Variants in ACACA observed in about 807,000 individuals in gnomAD.
The protein encoded by ACACA is acetyl-CoA carboxylase alpha.
ACACA carries 103 observed loss-of-function variants against 296.1 expected under a neutral mutation model. That is an observed-to-expected ratio of 0.35 (90% confidence interval 0.30 to 0.41). ACACA has a LOEUF of 0.41. Ranked by LOEUF, ACACA falls within the 10% of genes least tolerant of loss-of-function variation. ACACA has a pLI of 1.00. For missense variants in ACACA, 1,554 were observed against 2,989.7 expected (o/e 0.52, Z 11.20); for synonymous variants, 953 against 1,038.6 (o/e 0.92, Z 1.58).
intron 45 of ACACA, among the ~76,000 whole-genome samples, chr17:37,137,954 T>C (rs919311336): frequency 1.3e-5 from 2 of 152,222 alleles, no homozygotes; most frequent in African/African-American, 4.8e-5. Flanking sequence ...TCTTATGCTG[T>C]TGGTTAAATT....
At chr17:37,191,308 A>G (rs1341848271) in intron 37 of ACACA, 33 bp from the exon 38 acceptor site, 1 of 1,597,228 alleles carries the variant, frequency 6.3e-7, no homozygotes, top group Non-Finnish European at 8.6e-7. Flanking sequence ...ACATTAATGT[A>G]GTTTAAAAGA....
chr17:37,271,222 A>T (rs2082052076), intron 9 of ACACA, among the ~76,000 whole-genome samples: 1 of 152,246 alleles, frequency 6.6e-6, no homozygotes, highest in East Asian at 1.9e-4. Flanking sequence ...GCAATGATTT[A>T]GAAAAGAATG....
At chr17:37,138,691 T>C (rs1567709674) in intron 45 of ACACA, among the ~76,000 whole-genome samples, 1 of 152,252 alleles carries the variant, frequency 6.6e-6, no homozygotes, top group African/African-American at 2.4e-5. Flanking sequence ...GCTCATTTTT[T>C]CACACTCCAT....
At chr17:37,276,553 CTG>C (rs1159282034) in intron 7 of ACACA, among the ~76,000 whole-genome samples, 1 of 152,208 alleles carries the variant, frequency 6.6e-6, no homozygotes, top group Admixed American at 6.5e-5. Flanking sequence ...TATATAACCT[CTG>C]TTTTTCTCTC....
intron 41 of ACACA, among the ~76,000 whole-genome samples, chr17:37,165,502 T>C (rs1215732189): frequency 2.0e-5 from 3 of 152,286 alleles, no homozygotes; most frequent in Non-Finnish European, 4.4e-5. Context: ...AGAAATCTAC[T>C]ATATTAACTT....
chr17:37,188,515 A>G (rs370417849), intron 38 of ACACA, 35 bp from the exon 39 acceptor site: 3 of 1,606,320 alleles, frequency 1.9e-6, no homozygotes, highest in Non-Finnish European at 2.6e-6. Context: ...CAAAACTTAA[A>G]TATCTTCTAA....
At chr17:37,359,003 G>A (rs1053120751) in intron 1 of ACACA, 35 of 985,496 alleles carry the variant, frequency 3.6e-5, no homozygotes, top group Non-Finnish European at 4.1e-5. Context: ...CCTCACCTCA[G>A]GGTGGCAACG....
chr17:37,364,974 T>G (rs974269413), intron 1 of ACACA, among the ~76,000 whole-genome samples: 1 of 152,106 alleles, frequency 6.6e-6, no homozygotes, highest in African/African-American at 2.4e-5. Flanking sequence ...TACCACACAG[T>G]TCAGAATTTT....
intron 25 of ACACA, among the ~76,000 whole-genome samples, chr17:37,233,813 A>T (rs2079978513): frequency 6.6e-6 from 1 of 152,216 alleles, no homozygotes; most frequent in Non-Finnish European, 1.5e-5. Flanking sequence ...GAAGTATTAC[A>T]TTGTACTAAC....
intron 1 of ACACA, among the ~76,000 whole-genome samples, chr17:37,350,780 G>A (rs949327628): frequency 3.0e-4 from 45 of 147,946 alleles, no homozygotes; most frequent in South Asian, 6.5e-4. Flanking sequence ...CGGAGGTTGT[G>A]GTGAGCCAAG....
At chr17:37,139,037 G>A (rs2075447613) in intron 45 of ACACA, among the ~76,000 whole-genome samples, 1 of 152,158 alleles carries the variant, frequency 6.6e-6, no homozygotes, top group South Asian at 2.1e-4. Context: ...GGTTGGGGGA[G>A]AAGAAAGGCT....
At chr17:37,337,678 C>T (rs543566300) in intron 2 of ACACA, among the ~76,000 whole-genome samples, 63 of 151,868 alleles carry the variant, frequency 4.1e-4, no homozygotes, top group African/African-American at 1.3e-3. Flanking sequence ...GTCTCAAACT[C>T]CTGAGCTCAA....
At chr17:37,098,777 G>C (rs374332237) in intron 52 of ACACA, among the ~76,000 whole-genome samples, 1 of 152,184 alleles carries the variant, frequency 6.6e-6, no homozygotes, top group Admixed American at 6.5e-5. Context: ...CACTGCGCAC[G>C]GTACCCTGAC....
intron 1 of ACACA, among the ~76,000 whole-genome samples, chr17:37,343,120 G>A (rs1376473666): frequency 6.6e-6 from 1 of 151,980 alleles, no homozygotes; most frequent in Admixed American, 6.6e-5. Flanking sequence ...TGGGATTACA[G>A]ATGCATGCCA....
intron 25 of ACACA, among the ~76,000 whole-genome samples, chr17:37,227,653 G>C (rs773033517): frequency 3.4e-4 from 52 of 152,122 alleles, no homozygotes; most frequent in Admixed American, 1.2e-3. Flanking sequence ...CGGATCACGA[G>C]GTCGAGACCA....
intron 10 of ACACA, among the ~76,000 whole-genome samples, chr17:37,266,093 C>T (rs1480753569): frequency 2.0e-5 from 3 of 152,116 alleles, no homozygotes; most frequent in African/African-American, 4.8e-5. Flanking sequence ...ACTTTGGGCA[C>T]GTCAGGATGC....
At chr17:37,376,053 A>G in intron 1 of ACACA, 2 of 1,561,552 alleles carry the variant, frequency 1.3e-6, no homozygotes, top group Non-Finnish European at 1.8e-6. Context: ...GTGACAGATG[A>G]GCAGTGGTCT....
chr17:37,132,758 G>A (rs7208415), intron 45 of ACACA, among the ~76,000 whole-genome samples: 27,154 of 152,072 alleles, frequency 0.18, 3,043 homozygotes, highest in East Asian at 0.46. Context: ...ATGGACCAAT[G>A]AAGAACTACA....
intron 24 of ACACA, among the ~76,000 whole-genome samples, chr17:37,238,214 A>C (rs1163096439): frequency 6.6e-6 from 1 of 151,890 alleles, no homozygotes; most frequent in Non-Finnish European, 1.5e-5. Flanking sequence ...TCTTTAGTAC[A>C]TATTTAAGTC....
Sources: allele counts gnomAD v4.1 joint callset (sites outside exome capture counted in the v4.1 genomes callset), GRCh38; gene constraint gnomAD v4.1.1; transcripts MANE v1.5; gene names NCBI Gene and HGNC (gene_info 2026-07-23, HGNC 2026-07-21).